HACE1: variants seen among roughly 807,000 people sequenced by gnomAD.
HACE1 encodes the protein E3 ubiquitin-protein ligase HACE1.
In HACE1, 73 loss-of-function variants were observed where a neutral mutation model predicts 118.4. The observed-to-expected ratio is 0.62, with a 90% confidence interval of 0.51 to 0.75. The LOEUF (loss-of-function observed/expected upper bound fraction) is 0.75, where lower values mean the gene tolerates loss of function less well. HACE1 is among the 30% of genes least tolerant of loss of function. HACE1 has a pLI of 0.00. For missense variants in HACE1, 749 were observed against 1,102.2 expected, an observed-to-expected ratio of 0.68 and a Z score of 4.54; for synonymous variants, 368 against 374.8, an observed-to-expected ratio of 0.98 and a Z score of 0.21.
Position 104,859,719 on chromosome 6 carries a change from C to G in HACE1, c.-77G>C. The stretch of plus-strand genomic sequence containing the variant: ...TCCGCGCCCAGAGCCCTACATCTCG[C>G]CTGGGCCCGTCCAGCAGGCGGAGAC... On this transcript the variant is annotated 5_prime_UTR_variant, in exon 1 of 24. Coordinates refer to ENST00000262903, the MANE Select transcript of HACE1 (RefSeq NM_020771.4). 1 of 1,292,000 alleles carries G rather than the reference C, an allele frequency of 7.7e-7. No individual in the cohort carries two copies. The highest frequency in any genetic ancestry group is 1.3e-5 in the South Asian group (1 of 76,748). 80.0% of individuals were successfully genotyped at this position (1,292,000 alleles called of 1,614,324 possible).
At chr6:104,740,589 A>G (rs996894849) in intron 22 of HACE1, among the ~76,000 whole-genome samples, 2 of 151,434 alleles carry the variant, frequency 1.3e-5, no homozygotes, top group African/African-American at 4.8e-5. Context: ...CGACACATAC[A>G]CTCTCCCAAG....
chr6:104,774,583 A>C (rs1239871570), intron 17 of HACE1, among the ~76,000 whole-genome samples: 1 of 151,220 alleles, frequency 6.6e-6, no homozygotes, highest in Non-Finnish European at 1.5e-5. Flanking sequence ...ATGGGGTTTT[A>C]CCATGTTGAC....
intron 1 of HACE1, among the ~76,000 whole-genome samples, chr6:104,858,987 T>C (rs1410877190): frequency 6.6e-6 from 1 of 152,120 alleles, no homozygotes; most frequent in African/African-American, 2.4e-5. Context: ...GATGAATAAA[T>C]GAAGAATGAA....
At chr6:104,772,591 C>T (rs1306912402) in intron 17 of HACE1, among the ~76,000 whole-genome samples, 1 of 152,162 alleles carries the variant, frequency 6.6e-6, no homozygotes, top group Non-Finnish European at 1.5e-5. Flanking sequence ...TCTTAAGTGA[C>T]AGGCCTAGTC....
At chr6:104,762,517 A>C (rs904535063) in intron 19 of HACE1, among the ~76,000 whole-genome samples, 1 of 152,050 alleles carries the variant, frequency 6.6e-6, no homozygotes, top group East Asian at 1.9e-4. Flanking sequence ...ACATGGACAC[A>C]AGGAGGGGAA....
chr6:104,811,895 G>T (rs930149513), intron 6 of HACE1, among the ~76,000 whole-genome samples: 1 of 151,938 alleles, frequency 6.6e-6, no homozygotes, highest in African/African-American at 2.4e-5. Flanking sequence ...AAAGTCAAGA[G>T]CATAATTATT....
intron 22 of HACE1, among the ~76,000 whole-genome samples, chr6:104,737,041 T>C (rs182732270): frequency 1.5e-4 from 23 of 151,962 alleles, no homozygotes; most frequent in African/African-American, 5.5e-4. Flanking sequence ...CCTAGCACTT[T>C]GGGAGGCCGA....
At chr6:104,759,095 T>C (rs1345283577) in intron 19 of HACE1, among the ~76,000 whole-genome samples, 1 of 152,104 alleles carries the variant, frequency 6.6e-6, no homozygotes, top group Non-Finnish European at 1.5e-5. Context: ...TCCCACACAA[T>C]AATGGGAGAC....
In HACE1 at chr6:104,827,486, T is replaced by A. The variant is rs562857863; in HGVS notation, c.534+5556A>T. 3.3e-5 allele frequency among the ~76,000 whole-genome samples: 5 copies of A among 152,246 alleles called. No individual in the cohort carries two copies. The South Asian group carries it at 1.0e-3, about 32-fold the overall frequency. On this transcript the variant is annotated intron_variant, in intron 6 of 23. Transcript: ENST00000262903. ...GAGAACTTTGAATTCTTACATAGTA[T>A]CCGGCAAAAATCATTATCATCTGGT...
At chr6:104,801,187 G>T (rs893272060) in intron 7 of HACE1, among the ~76,000 whole-genome samples, 1 of 152,144 alleles carries the variant, frequency 6.6e-6, no homozygotes, top group African/African-American at 2.4e-5. Flanking sequence ...AAAAAGAAAT[G>T]AACAAAGCCT....
chr6:104,771,670 T>A, intron 18 of HACE1, among the ~76,000 whole-genome samples: 1 of 146,210 alleles, frequency 6.8e-6, no homozygotes, highest in South Asian at 2.1e-4. Context: ...CACACTGAAA[T>A]GTATTCTTAG....
chr6:104,792,505 G>A (rs1172090502), intron 10 of HACE1, among the ~76,000 whole-genome samples: 1 of 152,076 alleles, frequency 6.6e-6, no homozygotes, highest in African/African-American at 2.4e-5. Context: ...GGTTGATGGT[G>A]GTTTTATTTT....
At chr6:104,831,979 AGAGGAAGGAAG>A (rs1178153895) in intron 6 of HACE1, among the ~76,000 whole-genome samples, 5 of 38,618 alleles carry the variant, frequency 1.3e-4, no homozygotes, top group African/African-American at 6.5e-4. Flanking sequence ...AGAAGAGAAG[AGAGGAAGGAAG>A]GAAGGAAGGA....
chr6:104,850,312 T>TGA (rs1776075663), intron 3 of HACE1, among the ~76,000 whole-genome samples: 1 of 152,170 alleles, frequency 6.6e-6, no homozygotes, highest in Non-Finnish European at 1.5e-5. Flanking sequence ...GTAAACATTC[T>TGA]CTACTTTCAA....
At chr6:104,765,174 G>GAGCA (rs1779849369) in intron 19 of HACE1, among the ~76,000 whole-genome samples, 1 of 152,180 alleles carries the variant, frequency 6.6e-6, no homozygotes, top group Non-Finnish European at 1.5e-5. Flanking sequence ...GCTGGATGAT[G>GAGCA]AGCAGAGCAG....
chr6:104,750,319 A>G (rs772305945), intron 20 of HACE1, 22 bp downstream of exon 20: 1 of 1,602,740 alleles, frequency 6.2e-7, no homozygotes, highest in South Asian at 1.1e-5. Context: ...GTTACAACAT[A>G]AGAACTGATG....
At chr6:104,771,822 TA>T in intron 18 of HACE1, 102 bp downstream of exon 18, 1 of 835,236 alleles carries the variant, frequency 1.2e-6, no homozygotes, top group Non-Finnish European at 1.9e-6. Context: ...CCAATCAAAA[TA>T]AAAATTATCT....
chr6:104,805,821 T>C (rs1770931911), intron 7 of HACE1, among the ~76,000 whole-genome samples: 2 of 152,178 alleles, frequency 1.3e-5, no homozygotes, highest in South Asian at 2.1e-4. Flanking sequence ...AACCCGCACG[T>C]TGTGCACATG....
rs200046496 is a variant in HACE1, at chr6:104,784,492, G to A, written c.1410-7C>T. ...GAAACGAGGTGAAGTCATTCTGTGG[G>A]GGGAAAACATCAATCAGAATACACA... On this transcript the variant is annotated splice_region_variant and splice_polypyrimidine_tract_variant and intron_variant, in intron 12 of 23. Coordinates refer to ENST00000262903, the MANE Select transcript of HACE1 (RefSeq NM_020771.4). The A allele has an allele frequency of 3.7e-6, 6 of 1,601,432 alleles. No homozygotes were observed. In the African/African-American group the frequency reaches 8.0e-5, roughly 21 times the overall value.
Sources: allele counts gnomAD v4.1 joint callset (sites outside exome capture counted in the v4.1 genomes callset), GRCh38; gene constraint gnomAD v4.1.1; transcripts MANE v1.5; gene names NCBI Gene and HGNC (gene_info 2026-07-23, HGNC 2026-07-21).